SLC15A1: variants seen among roughly 807,000 people sequenced by gnomAD.
SLC15A1 encodes the protein solute carrier family 15 member 1.
A neutral mutation model predicts 92.9 loss-of-function variants in SLC15A1; 83 were observed. The ratio of observed to expected loss-of-function variants is 0.89; its 90% CI spans 0.75 to 1.07. The LOEUF is 1.07. SLC15A1 is among the 50% of genes least tolerant of loss of function. The probability of loss-of-function intolerance (pLI) is 0.00; values close to 1 mark genes in which losing one functional copy is unlikely to be tolerated. For missense variants in SLC15A1, 857 were observed against 880.1 expected (o/e 0.97, Z 0.33); for synonymous variants, 322 against 318.2 (o/e 1.01, Z -0.13).
chr13:98,687,331 T>G (rs766698057), intron 21 of SLC15A1, among the ~76,000 whole-genome samples: 35 of 152,284 alleles, frequency 2.3e-4, no homozygotes, highest in Non-Finnish European at 4.4e-4. Context: ...GGGCGCTAAA[T>G]GTCTAGGGTA....
rs528865683 is a variant in SLC15A1, at chr13:98,692,136, CTTT to C, written c.1467-3562_1467-3560del. On this transcript the variant is annotated intron_variant, in intron 18 of 22. Transcript: ENST00000376503. ...AGGAGTCCCCCTCTCTTCTCCTAAA[CTTT>C]TTTTTTTTTTTTTTTTTTTTTTTTT... Among the ~76,000 whole-genome samples, 102 of 67,544 alleles carry C rather than the reference CTTT, an allele frequency of 1.5e-3. 1 individual carries two copies. In the East Asian group the frequency reaches 0.021, roughly 14 times the overall value. 44.3% of individuals were successfully genotyped at this position (67,544 alleles called of 152,430 possible).
At chr13:98,739,402 A>T (rs2139607455) in intron 1 of SLC15A1, among the ~76,000 whole-genome samples, 1 of 152,348 alleles carries the variant, frequency 6.6e-6, no homozygotes, top group East Asian at 1.9e-4. Context: ...CCCAAATCTC[A>T]TATTGAAATA....
At chr13:98,724,075 AGC>A (rs1269599584) in intron 4 of SLC15A1, 44 bp from the exon 5 acceptor site, 3 of 1,609,244 alleles carry the variant, frequency 1.9e-6, no homozygotes, top group Non-Finnish European at 2.5e-6. Context: ...ATTGCACAAT[AGC>A]CATCCACTTT....
At chr13:98,711,988 C>T (rs1420788193) in intron 10 of SLC15A1, 45 bp from the exon 11 acceptor site, 72 of 1,409,780 alleles carry the variant, frequency 5.1e-5, no homozygotes, top group Non-Finnish European at 7.2e-5. Context: ...CACCCTGTGT[C>T]CTGTGCCACT....
intron 1 of SLC15A1, among the ~76,000 whole-genome samples, chr13:98,733,217 G>A (rs954748561): frequency 2.0e-5 from 3 of 152,162 alleles, no homozygotes; most frequent in African/African-American, 7.2e-5. Context: ...CTGACCTCCA[G>A]AACTACAAGA....
chr13:98,705,478 A>C (rs1358781083), intron 16 of SLC15A1, among the ~76,000 whole-genome samples: 1 of 152,160 alleles, frequency 6.6e-6, no homozygotes, highest in East Asian at 1.9e-4. Flanking sequence ...AGATGGCTAA[A>C]TGTCCCCTAG....
At position 98,726,231 on chromosome 13, in the gene SLC15A1, C is replaced by T. The variant is rs2088298531; in HGVS notation, c.137G>A (p.Ser46Asn). ...GGCGGTGGACAGGTTATCATCCCAG[C>T]TGATGAAATTTGTGAAGTACAGAAT... Reference protein sequence around the residue: ...ILILYFTNFISWDDNLSTAIY... With the variant: ...ILILYFTNFINWDDNLSTAIY... The change falls in exon 4 of 23, where the codon AGC becomes AAC. Residue 46 changes from serine (S) to asparagine (N), a missense_variant. Physicochemically the swap from Ser to Asn is conservative, Grantham distance 46. Transcript: ENST00000376503. The T allele has an allele frequency of 1.2e-6, 2 of 1,613,950 alleles. No individual in the cohort carries two copies. The highest frequency in any genetic ancestry group is 1.3e-5 in the African/African-American group (1 of 74,972).
chr13:98,716,195 C>A (rs533059921), intron 8 of SLC15A1, among the ~76,000 whole-genome samples: 3 of 152,172 alleles, frequency 2.0e-5, no homozygotes, highest in Non-Finnish European at 2.9e-5. Flanking sequence ...AGCCTAATAT[C>A]ATCTACTTCC....
Position 98,718,300 on chromosome 13 carries a change from C to CTTTTTT in SLC15A1, c.640+931_640+936dup, listed in dbSNP as rs532286337. 3.4e-4 allele frequency among the ~76,000 whole-genome samples: 29 copies of CTTTTTT among 84,132 alleles called. 7 individuals are homozygous for CTTTTTT. Among genetic ancestry groups the CTTTTTT allele is most frequent in the East Asian group, 1.4e-3 (2 of 1,450 alleles). 55.2% of individuals were successfully genotyped at this position (84,132 alleles called of 152,430 possible). On this transcript the variant is annotated intron_variant, in intron 8 of 22. Coordinates refer to ENST00000376503, the MANE Select transcript of SLC15A1 (RefSeq NM_005073.4). ...ATCCAGCAGATTCTATCACCTTCAT[C>CTTTTTT]TTTTTTTTTTTTTTTTTTTTTTTTT...
chr13:98,687,510 A>C, intron 21 of SLC15A1, 71 bp downstream of exon 21: 1 of 1,538,118 alleles, frequency 6.5e-7, no homozygotes, highest in African/African-American at 1.4e-5. Context: ...CCAGATTTAA[A>C]TTAAGTCCCA....
intron 18 of SLC15A1, among the ~76,000 whole-genome samples, chr13:98,692,649 A>T (rs1037901664): frequency 2.6e-5 from 4 of 152,212 alleles, no homozygotes; most frequent in Non-Finnish European, 5.9e-5. Flanking sequence ...GTTTTGTAGT[A>T]AAACTCTATG....
intron 1 of SLC15A1, among the ~76,000 whole-genome samples, chr13:98,746,683 T>C (rs976320185): frequency 1.3e-5 from 2 of 152,220 alleles, no homozygotes; most frequent in Non-Finnish European, 2.9e-5. Context: ...CTTATGGAAG[T>C]ACATTTTGTG....
intron 1 of SLC15A1, among the ~76,000 whole-genome samples, chr13:98,733,142 G>A (rs528106276): frequency 3.3e-5 from 5 of 152,202 alleles, no homozygotes; most frequent in African/African-American, 7.2e-5. Flanking sequence ...GGTTCTCCCC[G>A]AGAGCCTTTC....
intron 18 of SLC15A1, among the ~76,000 whole-genome samples, chr13:98,694,053 C>A (rs2088003198): frequency 6.6e-6 from 1 of 152,214 alleles, no homozygotes; most frequent in African/African-American, 2.4e-5. Flanking sequence ...GAGTTAATTT[C>A]TGTGGAGAGG....
At chr13:98,732,460 G>C (rs1376828843) in intron 1 of SLC15A1, among the ~76,000 whole-genome samples, 1 of 152,112 alleles carries the variant, frequency 6.6e-6, no homozygotes, top group Non-Finnish European at 1.5e-5. Flanking sequence ...CTGACTTGGG[G>C]GTTGGGGGGG....
chr13:98,725,017 G>A (rs1013534463), intron 4 of SLC15A1, among the ~76,000 whole-genome samples: 1 of 152,112 alleles, frequency 6.6e-6, no homozygotes, highest in African/African-American at 2.4e-5. Context: ...ATGGCTTGGT[G>A]CTGTCCTCAT....
At position 98,688,483 on chromosome 13, in the gene SLC15A1, A is replaced by G; in HGVS notation, c.1561T>C (p.Phe521Leu). 6.2e-7 allele frequency: 1 copy of G among 1,613,944 alleles called. No individual in the cohort carries two copies. ...SSYNASTYQFFPSGIKGFTIS... is the reference protein window; with the variant it reads ...SSYNASTYQFLPSGIKGFTIS... ...CTCGGTACTTACATGCCAGAAGGAA[A>G]AAACTGGTATGTGCTGGCATTGTAG... The change falls in exon 19 of 23, where the codon TTT (phenylalanine) becomes CTT (leucine). Residue 521 changes from phenylalanine (F) to leucine (L), a missense_variant. Phe to Leu is a conservative substitution (Grantham distance 22). Coordinates refer to ENST00000376503, the MANE Select transcript of SLC15A1 (RefSeq NM_005073.4).
chr13:98,752,553 C>T (rs2088555958), intron 1 of SLC15A1, 42 bp downstream of exon 1: 1 of 1,277,298 alleles, frequency 7.8e-7, no homozygotes. Flanking sequence ...CCGCGTAGCT[C>T]CGAGTCTTTA....
chr13:98,704,158 C>A, intron 17 of SLC15A1, 131 bp downstream of exon 17: 1 of 805,394 alleles, frequency 1.2e-6, no homozygotes, highest in Non-Finnish European at 1.9e-6. Flanking sequence ...TCTTGTGTTC[C>A]AGAAGAAGGA....
Sources: gnomAD v4.1 joint callset for allele counts (sites outside exome capture counted in the v4.1 genomes callset) on GRCh38, gnomAD v4.1.1 for gene constraint, MANE v1.5 for transcripts, NCBI Gene and HGNC (gene_info 2026-07-23, HGNC 2026-07-21) for gene names.